Variants in SEC23IP observed in about 807,000 individuals in gnomAD.
SEC23IP encodes the protein SEC23 interacting protein.
In SEC23IP, 70 loss-of-function variants were observed where a neutral mutation model predicts 113.4. The ratio of observed to expected loss-of-function variants is 0.62; its 90% CI spans 0.51 to 0.75. SEC23IP has a LOEUF of 0.75. SEC23IP is among the 30% of genes least tolerant of loss of function. The pLI, the probability that SEC23IP is intolerant of heterozygous loss-of-function variation, is 0.00. For synonymous variants in SEC23IP, 398 were observed against 421.0 expected (o/e 0.95, Z 0.67); for missense variants, 1,160 against 1,204.9 (o/e 0.96, Z 0.55).
intron 12 of SEC23IP, among the ~76,000 whole-genome samples, chr10:119,923,401 C>T (rs907323401): frequency 2.6e-5 from 4 of 151,218 alleles, no homozygotes; most frequent in Non-Finnish European, 5.9e-5. Flanking sequence ...CCAAAATTAG[C>T]GATTATTTTA....
intron 4 of SEC23IP, chr10:119,904,511 G>T: frequency 2.2e-6 from 1 of 458,332 alleles, no homozygotes; most frequent in Non-Finnish European, 3.9e-6. Context: ...ATCTAATAAG[G>T]TGCTTGTGTC....
chr10:119,907,364 A>C (rs780933051), intron 4 of SEC23IP, among the ~76,000 whole-genome samples: 2 of 152,174 alleles, frequency 1.3e-5, no homozygotes, highest in Non-Finnish European at 2.9e-5. Flanking sequence ...TCCAAGAAAC[A>C]GAAGGAAATA....
rs764465785 is a variant in SEC23IP, at chr10:119,898,471, A to G, written c.208A>G (p.Thr70Ala). Residue 70 changes from threonine (T) to alanine (A), a missense_variant, in exon 2 of 19, where the codon ACT becomes GCT. Thr to Ala is a moderately conservative substitution (Grantham distance 58). Coordinates refer to ENST00000369075, the MANE Select transcript of SEC23IP (RefSeq NM_007190.4). The stretch of plus-strand genomic sequence containing the variant: ...TGAGGAGGACAGCTTCCTTGGTCAG[A>G]CTTCTATTCACACATCTGCCCCACA... ...VGEEDSFLGQ[T>A]SIHTSAPQTF... 1 of 1,613,866 alleles carries G rather than the reference A, an allele frequency of 6.2e-7. No homozygotes were observed. Among genetic ancestry groups the G allele is most frequent in the African/African-American group, 1.3e-5 (1 of 74,882 alleles).
intron 2 of SEC23IP, among the ~76,000 whole-genome samples, chr10:119,899,523 CAA>C (rs959863231): frequency 1.1e-4 from 16 of 152,076 alleles, no homozygotes; most frequent in African/African-American, 3.4e-4. Flanking sequence ...CAGAATTAAA[CAA>C]AAAGAGAAAT....
At chr10:119,940,389 A>G (rs529834096) in intron 18 of SEC23IP, among the ~76,000 whole-genome samples, 197 bp from the exon 19 acceptor site, 9 of 151,756 alleles carry the variant, frequency 5.9e-5, no homozygotes, top group South Asian at 2.1e-4. Flanking sequence ...GGGTTTCACC[A>G]TGTTAGTCAG....
intron 2 of SEC23IP, among the ~76,000 whole-genome samples, chr10:119,901,879 G>A (rs982752332): frequency 4.6e-5 from 7 of 151,976 alleles, no homozygotes; most frequent in African/African-American, 1.7e-4. Flanking sequence ...TGGAGACAGG[G>A]TTTCACCATG....
At chr10:119,937,458 T>C (rs1855832043) in intron 18 of SEC23IP, among the ~76,000 whole-genome samples, 1 of 151,814 alleles carries the variant, frequency 6.6e-6, no homozygotes, top group African/African-American at 2.4e-5. Flanking sequence ...AAACCCCATC[T>C]CTATTAAAAA....
chr10:119,936,734 C>T (rs931029810), intron 18 of SEC23IP, among the ~76,000 whole-genome samples: 11 of 151,574 alleles, frequency 7.3e-5, no homozygotes, highest in Admixed American at 6.6e-4. Context: ...GTTATAATAC[C>T]GTTTTTACTT....
intron 6 of SEC23IP, chr10:119,914,372 TACTC>T (rs36008608): frequency 0.064 from 14,755 of 231,984 alleles, 876 homozygotes; most frequent in South Asian, 0.25. Flanking sequence ...GTAAAATAAA[TACTC>T]ACACGATGAA....
chr10:119,928,840 CTT>C (rs1028461398), intron 13 of SEC23IP, among the ~76,000 whole-genome samples: 2 of 152,222 alleles, frequency 1.3e-5, no homozygotes, highest in African/African-American at 4.8e-5. Flanking sequence ...TGGAAAGAAA[CTT>C]AACTGGAGAG....
chr10:119,924,293 TA>T (rs1855348326), intron 12 of SEC23IP, among the ~76,000 whole-genome samples: 1 of 152,218 alleles, frequency 6.6e-6, no homozygotes, highest in African/African-American at 2.4e-5. Flanking sequence ...GACTAACACT[TA>T]GCCATTCACA....
chr10:119,896,925 A>G (rs1352077607), intron 1 of SEC23IP, among the ~76,000 whole-genome samples: 2 of 152,248 alleles, frequency 1.3e-5, no homozygotes, highest in Non-Finnish European at 2.9e-5. Context: ...GGCCTTGTGC[A>G]GCAAGGGATA....
At chr10:119,914,861 A>T in intron 7 of SEC23IP, 42 bp downstream of exon 7, 1 of 1,550,118 alleles carries the variant, frequency 6.5e-7, no homozygotes, top group Non-Finnish European at 8.9e-7. Context: ...TGATCTGAGA[A>T]CTAATAGAAG....
At chr10:119,914,963 T>TA in intron 7 of SEC23IP, 144 bp downstream of exon 7, 1 of 703,238 alleles carries the variant, frequency 1.4e-6, no homozygotes, top group East Asian at 2.6e-5. Context: ...CAGTGGGAAA[T>TA]ACTAAGTTGT....
chr10:119,893,058 G>T (rs1043020401), intron 1 of SEC23IP, 113 bp downstream of exon 1: 15 of 1,228,698 alleles, frequency 1.2e-5, no homozygotes, highest in African/African-American at 7.6e-5. Flanking sequence ...TGGATAGCTT[G>T]CCAGGATCAT....
At chr10:119,928,626 C>T (rs1002260437) in intron 13 of SEC23IP, among the ~76,000 whole-genome samples, 8 of 152,188 alleles carry the variant, frequency 5.3e-5, no homozygotes, top group Non-Finnish European at 7.3e-5. Flanking sequence ...TTCTATGGAC[C>T]TCTGTTGAAC....
At position 119,902,897 on chromosome 10, in the gene SEC23IP, A is replaced by G. The variant is rs762926708; in HGVS notation, c.795A>G (p.Gln265=). Residue 265 remains glutamine (Q), a synonymous_variant, in exon 3 of 19, where the codon CAA becomes CAG. Transcript: ENST00000369075. ...CATCTCCTTTTCTACTTCAAAACCA[A>G]TATGAGCCTGTTCAGCCCCACTGGT... ...QVPSPFLLQN[Q]YEPVQPHWFY... 1.2e-6 allele frequency: 2 copies of G among 1,614,190 alleles called. No homozygotes were observed. Among genetic ancestry groups the G allele is most frequent in the East Asian group, 2.2e-5 (1 of 44,886 alleles).
At chr10:119,898,331 A>G in intron 1 of SEC23IP, 96 bp from the exon 2 acceptor site, 1 of 1,377,546 alleles carries the variant, frequency 7.3e-7, no homozygotes, top group South Asian at 2.2e-5. Flanking sequence ...TTGAAGAACA[A>G]ATAAGGAAGT....
chr10:119,936,999 T>TG (rs941766545), intron 18 of SEC23IP, among the ~76,000 whole-genome samples: 18 of 151,958 alleles, frequency 1.2e-4, no homozygotes, highest in African/African-American at 4.1e-4. Flanking sequence ...GCCATTCTCT[T>TG]GCCTTAGCCT....
Sources: gnomAD v4.1 joint callset for allele counts (sites outside exome capture counted in the v4.1 genomes callset) on GRCh38, gnomAD v4.1.1 for gene constraint, MANE v1.5 for transcripts, NCBI Gene and HGNC (gene_info 2026-07-23, HGNC 2026-07-21) for gene names.